The following SEMA3E variants were observed in gnomAD, a reference collection of about 807,000 sequenced individuals.
SEMA3E encodes semaphorin-3E.
A neutral mutation model predicts 93.6 loss-of-function variants in SEMA3E; 49 were observed. The ratio of observed to expected loss-of-function variants is 0.52; its 90% CI spans 0.42 to 0.66. SEMA3E has a LOEUF of 0.66. SEMA3E is among the 30% of genes least tolerant of loss of function. The pLI is 0.00. For synonymous variants in SEMA3E, 363 were observed against 330.7 expected, an observed-to-expected ratio of 1.10 and a Z score of -1.06; for missense variants, 906 against 964.8, an observed-to-expected ratio of 0.94 and a Z score of 0.81.
Position 83,366,280 on chromosome 7 carries a change from T to G in SEMA3E, c.*1306A>C, listed in dbSNP as rs1794665500. 1 of 152,066 alleles carries G rather than the reference T, an allele frequency of 6.6e-6. No homozygotes were observed. Among genetic ancestry groups the G allele is most frequent in the Non-Finnish European group, 1.5e-5 (1 of 67,934 alleles). 9.4% of individuals were successfully genotyped at this position (152,066 alleles called of 1,614,324 possible). ...AAAACATCTTACAAAATTTCATATT[T>G]TAGAAAGGTAATTGCTAAATATTTA... is the stretch of plus-strand genomic sequence containing the variant. On this transcript the variant is annotated 3_prime_UTR_variant, in exon 17 of 17. Transcript: ENST00000643230.
intron 1 of SEMA3E, among the ~76,000 whole-genome samples, chr7:83,497,822 A>G (rs73174579): frequency 0.016 from 2,362 of 152,300 alleles, 22 homozygotes; most frequent in South Asian, 0.038. Context: ...TTGTTGTACT[A>G]AAAGTTGCTC....
intron 1 of SEMA3E, among the ~76,000 whole-genome samples, chr7:83,500,740 A>G (rs992136840): frequency 1.3e-5 from 2 of 151,660 alleles, no homozygotes; most frequent in Non-Finnish European, 2.9e-5. Context: ...TTATAGGCAT[A>G]CGCCACCATA....
intron 1 of SEMA3E, among the ~76,000 whole-genome samples, chr7:83,529,829 C>T (rs1791249095): frequency 6.6e-6 from 1 of 151,964 alleles, no homozygotes. Flanking sequence ...ATTCGTATGC[C>T]CTTGATTTCT....
chr7:83,438,148 G>T (rs576423363), intron 4 of SEMA3E, among the ~76,000 whole-genome samples: 1 of 152,064 alleles, frequency 6.6e-6, no homozygotes, highest in African/African-American at 2.4e-5. Context: ...CTTTGGTATT[G>T]ATTTTTATTT....
intron 1 of SEMA3E, among the ~76,000 whole-genome samples, chr7:83,574,251 A>C (rs1295463282): frequency 6.6e-6 from 1 of 152,176 alleles, no homozygotes; most frequent in Non-Finnish European, 1.5e-5. Flanking sequence ...ACAAAGTGAT[A>C]GATAGTCAAA....
At chr7:83,639,136 A>AAAAAAAAAAAAAAAC (rs1562866057) in intron 1 of SEMA3E, among the ~76,000 whole-genome samples, 14 of 132,142 alleles carry the variant, frequency 1.1e-4, no homozygotes, top group African/African-American at 3.6e-4. Flanking sequence ...AAAAAAAAAA[A>AAAAAAAAAAAAAAAC]AAAACAGAGA....
chr7:83,414,056 T>TGA (rs745337317), intron 5 of SEMA3E, among the ~76,000 whole-genome samples: 3 of 152,122 alleles, frequency 2.0e-5, no homozygotes, highest in Admixed American at 6.5e-5. Flanking sequence ...TTCTGCCAAG[T>TGA]GAGAGAGAGA....
At chr7:83,416,746 CAT>C (rs1491493409) in intron 5 of SEMA3E, among the ~76,000 whole-genome samples, 3 of 151,722 alleles carry the variant, frequency 2.0e-5, no homozygotes, top group Non-Finnish European at 2.9e-5. Flanking sequence ...TTTTTTCAAA[CAT>C]ATTAAAATCT....
intron 4 of SEMA3E, 47 bp from the exon 5 acceptor site, chr7:83,418,530 A>T: frequency 8.0e-7 from 1 of 1,244,376 alleles, no homozygotes. Flanking sequence ...CTCCTCTAAT[A>T]ATCATTTAAT....
chr7:83,504,253 T>A (rs939786109), intron 1 of SEMA3E, among the ~76,000 whole-genome samples: 2 of 152,204 alleles, frequency 1.3e-5, no homozygotes, highest in Non-Finnish European at 2.9e-5. Flanking sequence ...CCAGGCAGAA[T>A]GAAGTGCAAC....
At chr7:83,497,044 C>T (rs184054431) in intron 1 of SEMA3E, among the ~76,000 whole-genome samples, 3 of 152,098 alleles carry the variant, frequency 2.0e-5, no homozygotes, top group African/African-American at 7.2e-5. Context: ...AGAGTTCATC[C>T]GGAAATTTTC....
In SEMA3E at chr7:83,389,703, C is replaced by T. The variant is rs889309232; in HGVS notation, c.1668-2653G>A. Among the ~76,000 whole-genome samples the T allele has an allele frequency of 5.4e-5, 7 of 129,226 alleles. 1 individual carries two copies. Among genetic ancestry groups the T allele is most frequent in the Non-Finnish European group, 8.9e-5 (5 of 55,938 alleles). The allele number at this position is 129,226 out of a possible 152,430, so 84.8% of individuals were successfully genotyped here. A position where few individuals can be genotyped will look rare whatever the true frequency, so the allele number is the denominator to read the frequency against. On this transcript the variant is annotated intron_variant, in intron 14 of 16. Coordinates refer to ENST00000643230, the MANE Select transcript of SEMA3E (RefSeq NM_012431.3). Reference sequence around the variant, plus strand: ...TATATATTACATGTATACATACACACATATATACACGTATATATTACATGT... The same window carrying T: ...TATATATTACATGTATACATACACATATATATACACGTATATATTACATGT...
At position 83,500,174 on chromosome 7, in the gene SEMA3E, G is replaced by A. The variant is rs1265585152; in HGVS notation, c.116-9900C>T. 5.3e-5 allele frequency among the ~76,000 whole-genome samples: 8 copies of A among 152,224 alleles called. No homozygotes were observed. The East Asian group carries it at 5.8e-4, about 11-fold the overall frequency. ...TAAAAGAGGCCGGGCGTGGCGGCTC[G>A]CACCTGTAATCCCAATACTTTGGGA... On this transcript the variant is annotated intron_variant, in intron 1 of 16. Coordinates refer to ENST00000643230, the MANE Select transcript of SEMA3E (RefSeq NM_012431.3).
intron 4 of SEMA3E, among the ~76,000 whole-genome samples, chr7:83,423,092 A>G (rs1788700892): frequency 6.6e-6 from 1 of 152,194 alleles, no homozygotes; most frequent in Admixed American, 6.5e-5. Context: ...GACAAGAAAC[A>G]ATATGCACCA....
intron 1 of SEMA3E, among the ~76,000 whole-genome samples, chr7:83,612,292 TTC>T (rs1793282026): frequency 6.6e-6 from 1 of 152,148 alleles, no homozygotes; most frequent in South Asian, 2.1e-4. Flanking sequence ...GTCTGTTTTA[TTC>T]TCTGTTATAT....
At chr7:83,573,107 C>T (rs902955623) in intron 1 of SEMA3E, among the ~76,000 whole-genome samples, 1 of 116,924 alleles carries the variant, frequency 8.6e-6, no homozygotes, top group Non-Finnish European at 1.8e-5. Context: ...AGCCTACAGC[C>T]TACAGACAGC....
chr7:83,471,026 T>G (rs1338598969), intron 2 of SEMA3E, among the ~76,000 whole-genome samples: 1 of 151,906 alleles, frequency 6.6e-6, no homozygotes, highest in Non-Finnish European at 1.5e-5. Flanking sequence ...TAATACAGTG[T>G]TTCAATACAT....
At chr7:83,470,545 A>G (rs34348241) in intron 2 of SEMA3E, among the ~76,000 whole-genome samples, 8,713 of 152,192 alleles carry the variant, frequency 0.057, 459 homozygotes, top group South Asian at 0.22. Context: ...CAACACTCTT[A>G]AAAGGTCCCT....
At chr7:83,387,961 G>C (rs1787916579) in intron 14 of SEMA3E, among the ~76,000 whole-genome samples, 1 of 145,372 alleles carries the variant, frequency 6.9e-6, no homozygotes, top group African/African-American at 2.5e-5. Context: ...AATATTATAT[G>C]TATATGTAAT....
Sources: allele counts gnomAD v4.1 joint callset (sites outside exome capture counted in the v4.1 genomes callset), GRCh38; gene constraint gnomAD v4.1.1; transcripts MANE v1.5; gene names NCBI Gene and HGNC (gene_info 2026-07-23, HGNC 2026-07-21).